C11orf65: variants seen among roughly 807,000 people sequenced by gnomAD.
C11orf65 encodes the protein chromosome 11 open reading frame 65, also known as protein MFI.
In C11orf65, 38 loss-of-function variants were observed where a neutral mutation model predicts 35.3. The observed-to-expected ratio is 1.08, with a 90% CI of 0.83 to 1.41. The LOEUF is 1.41. Among genes scored for constraint, C11orf65 ranks in the 40% most tolerant of loss-of-function variants. The pLI, the probability that C11orf65 is intolerant of heterozygous loss-of-function variation, is 0.00. For synonymous variants in C11orf65, 105 were observed against 114.4 expected, an observed-to-expected ratio of 0.92 and a Z score of 0.53; for missense variants, 370 against 367.1, an observed-to-expected ratio of 1.01 and a Z score of -0.06.
At chr11:108,357,120 T>C (rs949318295) in intron 2 of C11orf65, among the ~76,000 whole-genome samples, 2 of 152,178 alleles carry the variant, frequency 1.3e-5, no homozygotes, top group African/African-American at 2.4e-5. Context: ...GGGCAAGGCA[T>C]TGCCTCACTT....
chr11:108,365,928 C>T, intron 2 of C11orf65: 1 of 183,502 alleles, frequency 5.4e-6, no homozygotes, highest in Non-Finnish European at 1.2e-5. Flanking sequence ...ACTCGAGAGG[C>T]TGAGGCAGGA....
rs1002935930 is a variant in C11orf65, at chr11:108,430,969, T to C, written c.174+777A>G. ...ACAGAGGAGAGTTGAATAAGCACTT[T>C]CCACATCACAAAAGTATCAGGGAAA... On this transcript the variant is annotated intron_variant, in intron 3 of 8. Coordinates refer to ENST00000393084, the MANE Select transcript of C11orf65 (RefSeq NM_152587.5). Among the ~76,000 whole-genome samples, 7 of 148,668 alleles carry C rather than the reference T, an allele frequency of 4.7e-5. 1 individual carries two copies. The highest frequency in any genetic ancestry group is 1.7e-4 in the African/African-American group (7 of 40,570).
chr11:108,330,465 C>T (rs775822418), downstream of C11orf65: 1 of 1,593,032 alleles, frequency 6.3e-7, no homozygotes, highest in South Asian at 1.1e-5. Flanking sequence ...GCTTGAAAAA[C>T]TTAGACATAA....
intron 6 of C11orf65, among the ~76,000 whole-genome samples, chr11:108,398,428 T>C (rs1211453869): frequency 1.3e-5 from 2 of 152,222 alleles, no homozygotes; most frequent in African/African-American, 4.8e-5. Context: ...GAAGAAATAC[T>C]GAGAAGAAAC....
At chr11:108,383,418 G>C (rs1201348003) in intron 8 of C11orf65, among the ~76,000 whole-genome samples, 1 of 152,166 alleles carries the variant, frequency 6.6e-6, no homozygotes, top group Non-Finnish European at 1.5e-5. Context: ...CTAATAACTA[G>C]CTGTGTAATT....
downstream of C11orf65, among the ~76,000 whole-genome samples, chr11:108,381,126 T>C (rs2091857424): frequency 6.6e-6 from 1 of 152,148 alleles, no homozygotes; most frequent in South Asian, 2.1e-4. Flanking sequence ...GATATATACA[T>C]TGAACCAAGG....
At chr11:108,439,717 C>T (rs978539007) in intron 2 of C11orf65, among the ~76,000 whole-genome samples, 1 of 151,842 alleles carries the variant, frequency 6.6e-6, no homozygotes, top group African/African-American at 2.4e-5. Flanking sequence ...TAAAATAAGC[C>T]AGATACAAAA....
chr11:108,445,953 G>C (rs920560225), intron 2 of C11orf65, among the ~76,000 whole-genome samples: 38 of 152,174 alleles, frequency 2.5e-4, no homozygotes, highest in Non-Finnish European at 7.3e-5. Flanking sequence ...TGAAAGCCGA[G>C]GCTCGAGAAC....
chr11:108,418,806 A>T (rs2092776738), intron 3 of C11orf65, among the ~76,000 whole-genome samples: 1 of 152,116 alleles, frequency 6.6e-6, no homozygotes, highest in Admixed American at 6.5e-5. Context: ...CCAGGAATAA[A>T]ATAAAGATAA....
chr11:108,314,046 C>T (rs992603503), intron 6 of C11orf65, among the ~76,000 whole-genome samples: 2 of 152,124 alleles, frequency 1.3e-5, no homozygotes, highest in Non-Finnish European at 2.9e-5. Flanking sequence ...GAAAAATCCA[C>T]GACCTTTATT....
At chr11:108,380,545 T>C (rs1035215475), downstream of C11orf65, among the ~76,000 whole-genome samples, 5 of 152,240 alleles carry the variant, frequency 3.3e-5, no homozygotes, top group Admixed American at 2.0e-4. Flanking sequence ...ACTTTGGCAC[T>C]GAGGGCCAGC....
intron 7 of C11orf65, among the ~76,000 whole-genome samples, chr11:108,392,056 T>TTGTGTG (rs146638284): frequency 6.7e-6 from 1 of 150,252 alleles, no homozygotes; most frequent in South Asian, 2.1e-4. Context: ...ACTTGGCTTT[T>TTGTGTG]TGTGTGTGTG....
Position 108,416,974 on chromosome 11 carries a change from T to G in C11orf65, c.175-9825A>C, listed in dbSNP as rs944759559. ...GTCTGGGAGAAGATAAAAATGCAAA[T>G]CTATATATGATTTCATAAGTCAAAT... On this transcript the variant is annotated intron_variant, in intron 3 of 8. Coordinates refer to ENST00000393084, the MANE Select transcript of C11orf65 (RefSeq NM_152587.5). Among the ~76,000 whole-genome samples, 4 of 152,160 alleles carry G rather than the reference T, an allele frequency of 2.6e-5. No individual in the cohort carries two copies. In the South Asian group the frequency reaches 6.2e-4, roughly 24 times the overall value.
chr11:108,453,499 C>T (rs1163022647), intron 2 of C11orf65, among the ~76,000 whole-genome samples: 1 of 151,884 alleles, frequency 6.6e-6, no homozygotes, highest in Admixed American at 6.6e-5. Flanking sequence ...ATTTTGTTTA[C>T]AAGAGACACA....
intron 3 of C11orf65, among the ~76,000 whole-genome samples, chr11:108,334,600 T>A (rs990641836): frequency 6.6e-6 from 1 of 152,214 alleles, no homozygotes; most frequent in African/African-American, 2.4e-5. Context: ...TGTAGCTGTA[T>A]CATGTGGATT....
chr11:108,309,107 TA>T (rs1429813025), intron 6 of C11orf65: 5 of 1,186,628 alleles, frequency 4.2e-6, no homozygotes. Flanking sequence ...GAAAAACGGG[TA>T]AAGACATGCA....
intron 2 of C11orf65, among the ~76,000 whole-genome samples, chr11:108,338,417 G>C (rs1311085923): frequency 6.6e-6 from 1 of 152,158 alleles, no homozygotes; most frequent in Admixed American, 6.6e-5. Flanking sequence ...CACTTTGAGA[G>C]GCCAAGGCAG....
chr11:108,461,632 A>AT, intron 1 of C11orf65, 64 bp from the exon 2 acceptor site: 1 of 1,124,540 alleles, frequency 8.9e-7, no homozygotes, highest in South Asian at 1.5e-5. Context: ...ATTTTTATTT[A>AT]TTTATTTTTT....
chr11:108,313,047 A>T (rs367653172), intron 6 of C11orf65, among the ~76,000 whole-genome samples: 5 of 152,292 alleles, frequency 3.3e-5, no homozygotes, highest in Admixed American at 2.0e-4. Flanking sequence ...CTTGGAGAAA[A>T]TAGAAGGCAT....
Sources: gnomAD v4.1 joint callset for allele counts (sites outside exome capture counted in the v4.1 genomes callset) on GRCh38, gnomAD v4.1.1 for gene constraint, MANE v1.5 for transcripts, NCBI Gene and HGNC (gene_info 2026-07-23, HGNC 2026-07-21) for gene names.